Variants in MAP4 observed in about 807,000 individuals in gnomAD.
MAP4 encodes the protein microtubule associated protein 4, also known as microtubule-associated protein 4.
A neutral mutation model predicts 170.2 loss-of-function variants in MAP4; 76 were observed. That is an observed-to-expected ratio of 0.45 (90% confidence interval 0.37 to 0.54). The LOEUF (loss-of-function observed/expected upper bound fraction) is 0.54, where lower values mean the gene tolerates loss of function less well. MAP4 is among the 20% of genes least tolerant of loss of function. The pLI is 0.00. For missense variants in MAP4, 2,506 were observed against 2,748.0 expected, an observed-to-expected ratio of 0.91 and a Z score of 1.97; for synonymous variants, 909 against 994.5, an observed-to-expected ratio of 0.91 and a Z score of 1.62.
At chr3:47,997,591 A>G (rs973820575) in intron 2 of MAP4, among the ~76,000 whole-genome samples, 1 of 151,826 alleles carries the variant, frequency 6.6e-6, no homozygotes, top group Non-Finnish European at 1.5e-5. Context: ...TAAACAGAAG[A>G]AAGGAAAAAA....
At chr3:47,945,464 G>C (rs2100059188) in intron 3 of MAP4, among the ~76,000 whole-genome samples, 1 of 152,042 alleles carries the variant, frequency 6.6e-6, no homozygotes, top group Admixed American at 6.5e-5. Context: ...CAAGGACTGT[G>C]TCTTTCTCTT....
At chr3:47,905,665 TA>T (rs977584719) in intron 9 of MAP4, among the ~76,000 whole-genome samples, 70 of 150,342 alleles carry the variant, frequency 4.7e-4, no homozygotes, top group African/African-American at 1.7e-3. Context: ...TTGGCTTTTA[TA>T]AACTTGTTAA....
At chr3:47,915,620 T>TA (rs1377358088) in intron 7 of MAP4, among the ~76,000 whole-genome samples, 1 of 152,130 alleles carries the variant, frequency 6.6e-6, no homozygotes, top group African/African-American at 2.4e-5. Flanking sequence ...AGTTTACTTA[T>TA]AAAAACGGGA....
intron 1 of MAP4, among the ~76,000 whole-genome samples, chr3:48,053,087 A>G (rs941354184): frequency 6.6e-6 from 1 of 152,206 alleles, no homozygotes; most frequent in Non-Finnish European, 1.5e-5. Flanking sequence ...TTTTATAATT[A>G]CTGGTTTTGA....
chr3:48,008,165 G>A (rs1466351086), intron 1 of MAP4, among the ~76,000 whole-genome samples: 3 of 152,166 alleles, frequency 2.0e-5, no homozygotes, highest in South Asian at 2.1e-4. Flanking sequence ...GCTCAAGCAC[G>A]TCCTGAAGGC....
intron 10 of MAP4, among the ~76,000 whole-genome samples, chr3:47,897,575 G>A (rs901811316): frequency 3.9e-5 from 6 of 152,108 alleles, no homozygotes; most frequent in Non-Finnish European, 7.4e-5. Context: ...GGGAGCAAAC[G>A]CGTGTTTGAA....
Position 47,872,128 on chromosome 3 carries a change from C to T in MAP4, c.5758-28G>A, listed in dbSNP as rs898220832. ...GGAAATAGGAAAGTGGGAATGAGGCCTGCAGGTCAGCAATAGCCCCAAGGA... is the reference window on the plus strand; with the variant it reads ...GGAAATAGGAAAGTGGGAATGAGGCTTGCAGGTCAGCAATAGCCCCAAGGA... On this transcript the variant is annotated intron_variant, in intron 12 of 20. Coordinates refer to ENST00000683076, the MANE Select transcript of MAP4 (RefSeq NM_001385682.1). The T allele has an allele frequency of 1.9e-6, 3 of 1,585,816 alleles. No individual in the cohort carries two copies. In the African/African-American group the frequency reaches 4.0e-5, roughly 21 times the overall value.
chr3:47,894,710 C>T (rs548637771), intron 10 of MAP4, among the ~76,000 whole-genome samples: 2 of 151,816 alleles, frequency 1.3e-5, no homozygotes, highest in African/African-American at 4.8e-5. Flanking sequence ...TAAGTATGTA[C>T]AATATGTGAG....
chr3:47,895,094 A>G (rs2100026101), intron 10 of MAP4, among the ~76,000 whole-genome samples: 1 of 152,172 alleles, frequency 6.6e-6, no homozygotes, highest in Non-Finnish European at 1.5e-5. Context: ...AAACTCTGGA[A>G]AATACCTTAG....
In MAP4 at chr3:47,855,366, A is replaced by G; in HGVS notation, c.6584-6T>C. The G allele has an allele frequency of 6.3e-7, 1 of 1,576,302 alleles. No individual in the cohort carries two copies. Among genetic ancestry groups the G allele is most frequent in the Non-Finnish European group, 8.7e-7 (1 of 1,145,558 alleles). ...AATCTTGACATCTCCTCCACCTGGAACCACAAAGGAACTGGTCACCTAGGG... is the reference window on the plus strand; with the variant it reads ...AATCTTGACATCTCCTCCACCTGGAGCCACAAAGGAACTGGTCACCTAGGG... On this transcript the variant is annotated splice_polypyrimidine_tract_variant and splice_region_variant and intron_variant, in intron 18 of 20. Transcript: ENST00000683076. The surrounding 1 kb of genome is among the most constrained non-coding windows in gnomAD (Gnocchi z 5.1).
In MAP4 at chr3:47,908,953, A is replaced by G. The variant is rs942518233; in HGVS notation, c.5383+85T>C. 13 of 1,374,452 alleles carry G rather than the reference A, an allele frequency of 9.5e-6. No homozygotes were observed. The African/African-American group carries it at 1.9e-4, about 20-fold the overall frequency. The allele number at this position is 1,374,452 out of a possible 1,614,324, so 85.1% of individuals were successfully genotyped here. On this transcript the variant is annotated intron_variant, in intron 9 of 20. Transcript: ENST00000683076. Reference sequence around the variant, plus strand: ...ATTAACAAGGATGATTAGAGTCTGGATGGAGCCAAGACACAAGCTCTTTGC... The same window carrying G: ...ATTAACAAGGATGATTAGAGTCTGGGTGGAGCCAAGACACAAGCTCTTTGC...
intron 10 of MAP4, chr3:47,892,194 C>T: frequency 6.5e-7 from 1 of 1,536,316 alleles, no homozygotes; most frequent in Non-Finnish European, 8.7e-7. Context: ...TGACCTGAGG[C>T]TTCTTGACAG....
chr3:47,956,553 AATT>A (rs2100067934), intron 3 of MAP4, among the ~76,000 whole-genome samples: 1 of 152,184 alleles, frequency 6.6e-6, no homozygotes. Context: ...ATTTATGAAC[AATT>A]ATTAAGGATT....
intron 1 of MAP4, among the ~76,000 whole-genome samples, chr3:48,060,945 C>T (rs368652103): frequency 7.2e-5 from 11 of 151,996 alleles, no homozygotes; most frequent in East Asian, 1.9e-4. Flanking sequence ...CCCAAGTACA[C>T]GCCATTCTCC....
At chr3:47,945,949 T>A (rs889454128) in intron 3 of MAP4, among the ~76,000 whole-genome samples, 1 of 151,780 alleles carries the variant, frequency 6.6e-6, no homozygotes, top group Non-Finnish European at 1.5e-5. Flanking sequence ...ATTTTATTTT[T>A]TTTGAGATGG....
intron 4 of MAP4, among the ~76,000 whole-genome samples, chr3:47,925,830 T>C (rs1171122681): frequency 1.3e-5 from 2 of 152,124 alleles, no homozygotes; most frequent in Admixed American, 6.5e-5. Flanking sequence ...AATAGATAAA[T>C]AGATAGGTAA....
At position 47,911,544 on chromosome 3, in the gene MAP4, T is replaced by C; in HGVS notation, c.2877A>G (p.Val959=). ...CTTTTGCTGCTGTGGGTTTTGAAAC[T>C]ACACCCATAACCTCTTGGTCCAAGA... ...SPFLDQEVMG[V]VSKPTAAKEI... The change falls in exon 9 of 21, where the codon GTA becomes GTG. Residue 959 remains valine, a synonymous_variant. Transcript: ENST00000683076. This position sits in a 1 kb window ranked among gnomAD's most constrained non-coding sequence, Gnocchi z 4.0. The C allele has an allele frequency of 6.5e-7, 1 of 1,536,100 alleles. No individual in the cohort carries two copies. Among genetic ancestry groups the C allele is most frequent in the Non-Finnish European group, 8.7e-7 (1 of 1,146,888 alleles).
At chr3:47,957,039 C>T (rs77374744) in intron 3 of MAP4, among the ~76,000 whole-genome samples, 2 of 152,178 alleles carry the variant, frequency 1.3e-5, no homozygotes, top group East Asian at 1.9e-4. Flanking sequence ...GAGATTTGTC[C>T]TCACTAGAAT....
intron 2 of MAP4, among the ~76,000 whole-genome samples, chr3:47,979,594 C>T (rs183937012): frequency 2.0e-5 from 3 of 152,008 alleles, no homozygotes; most frequent in Non-Finnish European, 4.4e-5. Context: ...GTAGCTGGGA[C>T]TACAGGCACG....
Sources: allele counts gnomAD v4.1 joint callset (sites outside exome capture counted in the v4.1 genomes callset), GRCh38; gene constraint gnomAD v4.1.1; non-coding constraint Gnocchi (gnomAD v3.1); transcripts MANE v1.5; gene names NCBI Gene and HGNC (gene_info 2026-07-23, HGNC 2026-07-21).